CHD7: variants seen among roughly 807,000 people sequenced by gnomAD.
The protein encoded by CHD7 is ATP-dependent chromatin remodeler CHD7.
In CHD7, 24 loss-of-function variants were observed where a neutral mutation model predicts 307.3. That is an observed-to-expected ratio of 0.08 (90% confidence interval 0.06 to 0.11). The LOEUF (loss-of-function observed/expected upper bound fraction) is 0.11. CHD7 is among the 10% of genes least tolerant of loss of function. The probability of loss-of-function intolerance (pLI) is 1.00; values close to 1 mark genes in which losing one functional copy is unlikely to be tolerated. For synonymous variants in CHD7, 1,363 were observed against 1,349.9 expected (o/e 1.01, Z -0.21); for missense variants, 3,106 against 3,727.1 (o/e 0.83, Z 4.34).
chr8:60,851,886 T>TAA (rs1459325643), intron 28 of CHD7, 133 bp from the exon 29 acceptor site: 1 of 592,556 alleles, frequency 1.7e-6, no homozygotes, highest in Admixed American at 3.3e-5. Context: ...ATTTATATTT[T>TAA]AAAAATGAGG....
At chr8:60,821,648 ATATACACATACATATATATG>A in intron 9 of CHD7, 122 bp from the exon 10 acceptor site, 2 of 582,932 alleles carry the variant, frequency 3.4e-6, no homozygotes, top group Non-Finnish European at 5.5e-6. Flanking sequence ...ATAAACATAT[ATATACACATACATATATATG>A]TATAAACATA....
intron 2 of CHD7, among the ~76,000 whole-genome samples, chr8:60,761,398 C>T (rs1050024279): frequency 8.6e-5 from 13 of 151,644 alleles, no homozygotes; most frequent in African/African-American, 1.9e-4. Context: ...TGCTAAATGA[C>T]AAGTTAATGG....
rs1455737712 is a variant in CHD7, at chr8:60,866,191, A to G, written c.*258A>G. ...ATGTCTTTTTAAGGAAACTTACATA[A>G]TGCTCTGCTTTTTTTTTTTCTCTTG... On this transcript the variant is annotated 3_prime_UTR_variant, in exon 38 of 38. Coordinates refer to ENST00000423902, the MANE Select transcript of CHD7 (RefSeq NM_017780.4). 1 of 333,814 alleles carries G rather than the reference A, an allele frequency of 3.0e-6. No individual in the cohort carries two copies. The highest frequency in any genetic ancestry group is 2.1e-5 in the African/African-American group (1 of 47,154). 20.7% of individuals were successfully genotyped at this position (333,814 alleles called of 1,614,324 possible). A position where few individuals can be genotyped will look rare whatever the true frequency, so the allele number is the denominator to read the frequency against.
At chr8:60,824,424 G>GT (rs1329661974) in intron 13 of CHD7, 1 of 236,406 alleles carries the variant, frequency 4.2e-6, no homozygotes, top group East Asian at 8.5e-5. Context: ...TGTTCAACCC[G>GT]TAAGTATAAA....
chr8:60,705,467 T>C (rs938280189), intron 1 of CHD7, among the ~76,000 whole-genome samples: 26 of 152,218 alleles, frequency 1.7e-4, no homozygotes, highest in Non-Finnish European at 4.4e-5. Flanking sequence ...CATTGAAAAT[T>C]GGACTCATTG....
chr8:60,833,012 A>G (rs1586410659), intron 15 of CHD7, among the ~76,000 whole-genome samples: 1 of 152,182 alleles, frequency 6.6e-6, no homozygotes, highest in African/African-American at 2.4e-5. Flanking sequence ...CATACAAACT[A>G]AGCGCACGCA....
Position 60,842,887 on chromosome 8 carries a change from C to G in CHD7, c.4850+835C>G, listed in dbSNP as rs542341573. Among the ~76,000 whole-genome samples the G allele has an allele frequency of 1.6e-4, 24 of 152,198 alleles. 1 individual carries two copies. On this transcript the variant is annotated intron_variant, in intron 21 of 37. Transcript: ENST00000423902. ...TAGTCCAAGCTTCTGTTAGGACAGA[C>G]GGCTTCATCTCCTTCAGTGCGCCAC...
rs369818702 is a variant in CHD7 at position 60,741,755 on chromosome 8, C to A, written c.323C>A (p.Pro108His). The A allele has an allele frequency of 6.2e-6, 10 of 1,613,840 alleles. No homozygotes were observed. Among genetic ancestry groups the A allele is most frequent in the Middle Eastern group, 1.6e-4 (1 of 6,084 alleles). ...TCTCCGCACTCGCAGTATCACACCC[C>A]TCCCGTTCCTCAGGTGCCCCATGGT... ...LASPHSQYHT[P>H]PVPQVPHGGS... Residue 108 changes from proline (P) to histidine (H), a missense_variant, in exon 2 of 38, where the codon CCT becomes CAT. Coordinates refer to ENST00000423902, the MANE Select transcript of CHD7 (RefSeq NM_017780.4).
intron 8 of CHD7, among the ~76,000 whole-genome samples, chr8:60,819,445 A>C (rs977961733): frequency 6.6e-6 from 1 of 152,240 alleles, no homozygotes; most frequent in African/African-American, 2.4e-5. Context: ...AAACAGATTA[A>C]TGATGAGACT....
chr8:60,708,053 C>T (rs568146811), intron 1 of CHD7, among the ~76,000 whole-genome samples: 7 of 152,190 alleles, frequency 4.6e-5, no homozygotes, highest in East Asian at 3.9e-4. Context: ...CCAGAGAGAG[C>T]GGTGATAAAG....
intron 2 of CHD7, among the ~76,000 whole-genome samples, chr8:60,759,696 A>G (rs1810079148): frequency 6.6e-6 from 1 of 152,184 alleles, no homozygotes. Flanking sequence ...AGAACCCACC[A>G]TGTAAGCCTC....
intron 17 of CHD7, among the ~76,000 whole-genome samples, chr8:60,837,253 G>A (rs1472350130): frequency 6.6e-6 from 1 of 152,194 alleles, no homozygotes; most frequent in Non-Finnish European, 1.5e-5. Flanking sequence ...TCTTAGAACT[G>A]GCAGATGAGT....
At chr8:60,685,311 G>GT (rs1245697290) in intron 1 of CHD7, among the ~76,000 whole-genome samples, 1 of 152,182 alleles carries the variant, frequency 6.6e-6, no homozygotes, top group Non-Finnish European at 1.5e-5. Flanking sequence ...AGAGGGGAGG[G>GT]AAGCCTTACT....
At position 60,741,438 on chromosome 8, in the gene CHD7, A is replaced by G. The variant is rs1331575367; in HGVS notation, c.6A>G (p.Ala2=). The G allele has an allele frequency of 6.2e-7, 1 of 1,602,078 alleles. No homozygotes were observed. Residue 2 remains alanine, a synonymous_variant, in exon 2 of 38, where the codon GCA becomes GCG. Transcript: ENST00000423902. The part of the protein sequence containing the change: M[A]DPGMMSLFGE... ...GAGCCGTGTGTTGGAAGAAGATGGC[A>G]GATCCAGGAATGATGAGTCTTTTTG...
chr8:60,776,337 T>A (rs1390187014), intron 2 of CHD7, among the ~76,000 whole-genome samples: 1 of 152,236 alleles, frequency 6.6e-6, no homozygotes, highest in Non-Finnish European at 1.5e-5. Flanking sequence ...TTGTGCTTTT[T>A]ATTTTATATC....
chr8:60,856,178 C>G lies in CHD7; in HGVS notation c.7140C>G (p.Ile2380Met), dbSNP rs1287878235. 1.9e-6 allele frequency: 3 copies of G among 1,596,578 alleles called. No individual in the cohort carries two copies. In the Admixed American group the frequency reaches 5.2e-5, roughly 28 times the overall value. ...GQASISGSED[I>M]TTSPQLSKED... Reference sequence around the variant, plus strand: ...CCAGCATTAGTGGGAGTGAGGACATCACTACGTCTCCTCAGTTGTCAAAGG... The same window carrying G: ...CCAGCATTAGTGGGAGTGAGGACATGACTACGTCTCCTCAGTTGTCAAAGG... Residue 2380 changes from isoleucine (I) to methionine (M), a missense_variant, in exon 33 of 38, where the codon ATC (isoleucine) becomes ATG (methionine). Coordinates refer to ENST00000423902, the MANE Select transcript of CHD7 (RefSeq NM_017780.4).
chr8:60,696,769 C>A (rs1006480961), intron 1 of CHD7, among the ~76,000 whole-genome samples: 22 of 151,066 alleles, frequency 1.5e-4, no homozygotes, highest in Admixed American at 4.6e-4. Context: ...ACAGGAAAAT[C>A]TTTTTTTAGG....
At chr8:60,701,899 C>G (rs941358347) in intron 1 of CHD7, among the ~76,000 whole-genome samples, 1 of 152,144 alleles carries the variant, frequency 6.6e-6, no homozygotes, top group Non-Finnish European at 1.5e-5. Context: ...TTTTCTGCAC[C>G]CAGTGCCAAT....
rs1443483036 is a variant in CHD7, at chr8:60,742,069, T to A, written c.637T>A (p.Phe213Ile). 6.2e-7 allele frequency: 1 copy of A among 1,613,860 alleles called. No homozygotes were observed. The highest frequency in any genetic ancestry group is 2.2e-5 in the East Asian group (1 of 44,874). Residue 213 changes from phenylalanine (F) to isoleucine (I), a missense_variant, in exon 2 of 38, where the codon TTT becomes ATT. Physicochemically the swap from Phe to Ile is conservative, Grantham distance 21. Coordinates refer to ENST00000423902, the MANE Select transcript of CHD7 (RefSeq NM_017780.4). ...TCAGCCACAGCAGAGGATGAGCCAG[T>A]TTTCCCAAGGCCAAGAGGGCCTCAA... Reference protein sequence around the residue: ...HGQPQQRMSQFSQGQEGLNQG... With the variant: ...HGQPQQRMSQISQGQEGLNQG...
Sources: allele counts gnomAD v4.1 joint callset (sites outside exome capture counted in the v4.1 genomes callset), GRCh38; gene constraint gnomAD v4.1.1; transcripts MANE v1.5; gene names NCBI Gene and HGNC (gene_info 2026-07-23, HGNC 2026-07-21).